TNPO2: variants seen among roughly 807,000 people sequenced by gnomAD.
TNPO2 encodes the protein transportin-2.
Under a neutral mutation model 111.1 loss-of-function variants are expected in TNPO2, and 16 were observed. The ratio of observed to expected loss-of-function variants is 0.14; its 90% CI spans 0.10 to 0.22. The LOEUF (loss-of-function observed/expected upper bound fraction) is 0.22, where lower values mean the gene tolerates loss of function less well. TNPO2 is among the 10% of genes least tolerant of loss of function. The pLI, the probability that TNPO2 is intolerant of heterozygous loss-of-function variation, is 1.00. For missense variants in TNPO2, 530 were observed against 1,173.7 expected, an observed-to-expected ratio of 0.45 and a Z score of 8.01; for synonymous variants, 481 against 475.8, an observed-to-expected ratio of 1.01 and a Z score of -0.14.
intron 13 of TNPO2, among the ~76,000 whole-genome samples, chr19:12,707,417 TG>T (rs2025750574): frequency 6.6e-6 from 1 of 151,722 alleles, no homozygotes; most frequent in African/African-American, 2.4e-5. Context: ...GGGGCAGCAG[TG>T]ACCCAAATGG....
chr19:12,720,622 G>A (rs984852176), intron 3 of TNPO2, among the ~76,000 whole-genome samples: 1 of 152,202 alleles, frequency 6.6e-6, no homozygotes, highest in Non-Finnish European at 1.5e-5. Flanking sequence ...CGTTGGGCCA[G>A]GGCCTACTTT....
At chr19:12,723,221 T>C (rs1967122714) in intron 2 of TNPO2, 28 bp downstream of exon 2, 1 of 152,334 alleles carries the variant, frequency 6.6e-6, no homozygotes, top group Non-Finnish European at 1.5e-5. Context: ...AAAATAAACT[T>C]TGAACCACGC....
Position 12,706,466 on chromosome 19 carries a change from A to C in TNPO2, c.1497-99T>G. ...GGGCAACTCAGGATCAGCCAGTACGAATACGCGATAAATCAGTTCCACATC... is the reference window on the plus strand; with the variant it reads ...GGGCAACTCAGGATCAGCCAGTACGCATACGCGATAAATCAGTTCCACATC... On this transcript the variant is annotated intron_variant, in intron 14 of 25. Coordinates refer to ENST00000425528, the MANE Select transcript of TNPO2 (RefSeq NM_001382241.1). This position sits in a 1 kb window ranked among gnomAD's most constrained non-coding sequence, Gnocchi z 7.0. 1 of 1,574,470 alleles carries C rather than the reference A, an allele frequency of 6.4e-7. No individual in the cohort carries two copies. Among genetic ancestry groups the C allele is most frequent in the Non-Finnish European group, 8.7e-7 (1 of 1,145,084 alleles).
At chr19:12,716,085 G>A (rs1489069665) in intron 5 of TNPO2, among the ~76,000 whole-genome samples, 1 of 151,862 alleles carries the variant, frequency 6.6e-6, no homozygotes, top group African/African-American at 2.4e-5. Context: ...TGCCCAGGCT[G>A]GCCTAAAACT....
rs769177159 is a variant in TNPO2 at position 12,706,115 on chromosome 19, G to T, written c.1668+81C>A. The T allele has an allele frequency of 1.9e-5, 28 of 1,507,960 alleles. No individual in the cohort carries two copies. The highest frequency in any genetic ancestry group is 2.3e-5 in the Non-Finnish European group (26 of 1,115,992). 93.4% of individuals were successfully genotyped at this position (1,507,960 alleles called of 1,614,324 possible). The stretch of plus-strand genomic sequence containing the variant: ...TCGAGGTCACGGCCACGTCCCTGGC[G>T]TGCAACACGGGGTTGCCACCAGGTC... On this transcript the variant is annotated intron_variant, in intron 15 of 25. Transcript: ENST00000425528. This position sits in a 1 kb window ranked among gnomAD's most constrained non-coding sequence, Gnocchi z 7.0.
Position 12,721,117 on chromosome 19 carries a change from C to T in TNPO2, c.-13-127G>A, listed in dbSNP as rs1390230371. On this transcript the variant is annotated intron_variant, in intron 2 of 25. Coordinates refer to ENST00000425528, the MANE Select transcript of TNPO2 (RefSeq NM_001382241.1). The surrounding 1 kb of genome is among the most constrained non-coding windows in gnomAD (Gnocchi z 4.9). Reference sequence around the variant, plus strand: ...CCCTCGGCGGACAGGCGGAGGCCTCCGATCCACGCCCGCCCAAGTGCGGGG... The same window carrying T: ...CCCTCGGCGGACAGGCGGAGGCCTCTGATCCACGCCCGCCCAAGTGCGGGG... 1 of 1,505,366 alleles carries T rather than the reference C, an allele frequency of 6.6e-7. No homozygotes were observed. Among genetic ancestry groups the T allele is most frequent in the Non-Finnish European group, 8.8e-7 (1 of 1,133,868 alleles). 93.3% of individuals were successfully genotyped at this position (1,505,366 alleles called of 1,614,324 possible).
chr19:12,720,039 C>T (rs2026587984), intron 3 of TNPO2, among the ~76,000 whole-genome samples: 1 of 151,436 alleles, frequency 6.6e-6, no homozygotes, highest in African/African-American at 2.4e-5. Flanking sequence ...TATTTTCAGA[C>T]AGAGTCTCAC....
In TNPO2 at chr19:12,714,857, G is replaced by C; in HGVS notation, c.854C>G (p.Pro285Arg). 1 of 1,613,798 alleles carries C rather than the reference G, an allele frequency of 6.2e-7. No individual in the cohort carries two copies. The highest frequency in any genetic ancestry group is 8.5e-7 in the Non-Finnish European group (1 of 1,179,796). ...GGAGGCCAGGACTTCCTTGCAGATGGGCTGCTCGGCCAGCGTCAGCCAGAA... is the reference window on the plus strand; with the variant it reads ...GGAGGCCAGGACTTCCTTGCAGATGCGCTGCTCGGCCAGCGTCAGCCAGAA... ...CEFWLTLAEQPICKEVLASHL... is the reference protein window; with the variant it reads ...CEFWLTLAEQRICKEVLASHL... Residue 285 changes from proline (P) to arginine (R), a missense_variant, in exon 10 of 26, where the codon CCC becomes CGC. By Grantham distance (103) the Pro-to-Arg change is moderately radical (BLOSUM62 -2). This residue lies in a region of TNPO2 where 156 missense variants were observed against 405.8 expected (regional missense o/e 0.38). Coordinates refer to ENST00000425528, the MANE Select transcript of TNPO2 (RefSeq NM_001382241.1).
chr19:12,722,876 C>G (rs1335905105), intron 2 of TNPO2, among the ~76,000 whole-genome samples: 2 of 152,212 alleles, frequency 1.3e-5, no homozygotes, highest in African/African-American at 2.4e-5. Context: ...CGCGTGGGGA[C>G]TTTGTGTGTG....
At chr19:12,707,691 G>A (rs146677177) in intron 13 of TNPO2, among the ~76,000 whole-genome samples, 1 of 151,596 alleles carries the variant, frequency 6.6e-6, no homozygotes, top group African/African-American at 2.4e-5. Flanking sequence ...GTTTTACCAT[G>A]TTGGCTAGAC....
Position 12,705,589 on chromosome 19 carries a change from G to A in TNPO2, c.1766C>T (p.Ser589Leu). 6.2e-7 allele frequency: 1 copy of A among 1,601,596 alleles called. No individual in the cohort carries two copies. The highest frequency in any genetic ancestry group is 8.5e-7 in the Non-Finnish European group (1 of 1,174,578). ...DLFPLLECLS[S>L]VATALQSGFL... ...GCCACTCTGCAGGGCGGTGGCCACC[G>A]ATGACAGACACTGGCAGGGAGGAAG... is the stretch of plus-strand genomic sequence containing the variant. Residue 589 changes from serine to leucine, a missense_variant, in exon 17 of 26, where the codon TCG becomes TTG. Physicochemically the swap from Ser to Leu is moderately radical, Grantham distance 145. Coordinates refer to ENST00000425528, the MANE Select transcript of TNPO2 (RefSeq NM_001382241.1). The surrounding 1 kb of genome is among the most constrained non-coding windows in gnomAD (Gnocchi z 7.2).
In TNPO2 at chr19:12,711,185, C is replaced by A. The variant is rs114783433; in HGVS notation, c.1117+111G>T. ...CTGGGATTACAGGCGTAAGCCACTGCGCCCGGCCACGATCAGCTTCTAATC... is the reference window on the plus strand; with the variant it reads ...CTGGGATTACAGGCGTAAGCCACTGAGCCCGGCCACGATCAGCTTCTAATC... On this transcript the variant is annotated intron_variant, in intron 12 of 25. Transcript: ENST00000425528. The A allele has an allele frequency of 4.2e-3, 6,090 of 1,438,774 alleles. 204 individuals are homozygous for A. In the African/African-American group the frequency reaches 0.073, roughly 17 times the overall value. The allele number at this position is 1,438,774 out of a possible 1,614,324, so 89.1% of individuals were successfully genotyped here.
At position 12,702,374 on chromosome 19, in the gene TNPO2, CCCTTT is replaced by C. The variant is rs534839494; in HGVS notation, c.2306-202_2306-198del. ...GCATCTATCTTTCTTTCTTTCCTTT[CCCTTT>C]CCTTTTTGTTTTTTTTTGTTTTGTT... On this transcript the variant is annotated intron_variant, in intron 21 of 25. Coordinates refer to ENST00000425528, the MANE Select transcript of TNPO2 (RefSeq NM_001382241.1). The surrounding 1 kb of genome is among the most constrained non-coding windows in gnomAD (Gnocchi z 5.5). 2.1e-4 allele frequency: 147 copies of C among 693,644 alleles called. No individual in the cohort carries two copies. In the African/African-American group the frequency reaches 2.5e-3, roughly 12 times the overall value. The allele number at this position is 693,644 out of a possible 1,614,324, so 43.0% of individuals were successfully genotyped here.
Position 12,705,392 on chromosome 19 carries a change from T to A in TNPO2, c.1870A>T (p.Thr624Ser). 1 of 1,583,288 alleles carries A rather than the reference T, an allele frequency of 6.3e-7. No individual in the cohort carries two copies. Among genetic ancestry groups the A allele is most frequent in the South Asian group, 1.2e-5 (1 of 86,594 alleles). ...GCCTCATACTGCTCAGGGTGCTGGG[T>A]GTACATCTAGACACAGATGCCGACA... ...QKTLAQAMMY[T>S]QHPEQYEAPD... is the part of the protein sequence containing the mutation. The change falls in exon 18 of 26, where the codon ACC (threonine) becomes TCC (serine). Residue 624 changes from threonine (T) to serine (S), a missense_variant. Thr to Ser is a moderately conservative substitution (Grantham distance 58, BLOSUM62 1). Coordinates refer to ENST00000425528, the MANE Select transcript of TNPO2 (RefSeq NM_001382241.1). This position sits in a 1 kb window ranked among gnomAD's most constrained non-coding sequence, Gnocchi z 7.2.
chr19:12,706,379 G>A lies in TNPO2; in HGVS notation c.1497-12C>T, dbSNP rs555839814. 1.9e-6 allele frequency: 3 copies of A among 1,614,032 alleles called. No individual in the cohort carries two copies. In the East Asian group the frequency reaches 6.7e-5, roughly 36 times the overall value. On this transcript the variant is annotated splice_polypyrimidine_tract_variant and intron_variant, in intron 14 of 25. Transcript: ENST00000425528. The surrounding 1 kb of genome is among the most constrained non-coding windows in gnomAD (Gnocchi z 7.0). ...GGGTGGCAAAAGCACTGGTGGGAGGGAGGATGAAGCGGGGGCTCAGTGGAC... is the reference window on the plus strand; with the variant it reads ...GGGTGGCAAAAGCACTGGTGGGAGGAAGGATGAAGCGGGGGCTCAGTGGAC...
chr19:12,705,322 C>A lies in TNPO2; in HGVS notation c.1940G>T (p.Gly647Val), dbSNP rs1312731598. The change falls in exon 18 of 26, where the codon GGC becomes GTC. Residue 647 changes from glycine to valine, a missense_variant. This residue lies in a region of TNPO2 where 183 missense variants were observed against 481.0 expected (regional missense o/e 0.38). Coordinates refer to ENST00000425528, the MANE Select transcript of TNPO2 (RefSeq NM_001382241.1). The surrounding 1 kb of genome is among the most constrained non-coding windows in gnomAD (Gnocchi z 7.2). ...FMIVALDLLS[G>V]LAEGLGGHVE... ...GTGACCACCCAGGCCCTCGGCCAGG[C>A]CGCTGAGCAGATCCAGTGCTACGAT... 6.3e-7 allele frequency: 1 copy of A among 1,594,424 alleles called. No individual in the cohort carries two copies. The highest frequency in any genetic ancestry group is 1.3e-5 in the African/African-American group (1 of 74,484).
At chr19:12,703,394 G>A in intron 20 of TNPO2, 34 bp downstream of exon 20, 4 of 1,583,184 alleles carry the variant, frequency 2.5e-6, no homozygotes, top group South Asian at 2.2e-5. Flanking sequence ...ACAGGCTAAT[G>A]GGGGGCGCGT....
chr19:12,707,571 C>T (rs1334694341), intron 13 of TNPO2, among the ~76,000 whole-genome samples: 1 of 142,854 alleles, frequency 7.0e-6, no homozygotes, highest in East Asian at 2.0e-4. Context: ...CTCACTGCAG[C>T]CTCTGCCTCC....
intron 5 of TNPO2, among the ~76,000 whole-genome samples, chr19:12,718,490 G>A (rs2026490178): frequency 6.6e-6 from 1 of 152,016 alleles, no homozygotes; most frequent in African/African-American, 2.4e-5. Context: ...ATTTTAAGTA[G>A]AGACGGGGTT....
Sources: allele counts gnomAD v4.1 joint callset (sites outside exome capture counted in the v4.1 genomes callset), GRCh38; gene constraint gnomAD v4.1.1; regional missense constraint gnomAD v4.1.1; non-coding constraint Gnocchi (gnomAD v3.1); transcripts MANE v1.5; gene names NCBI Gene and HGNC (gene_info 2026-07-23, HGNC 2026-07-21).